The following CADM1 variants were observed in gnomAD, a reference collection of about 807,000 sequenced individuals.
CADM1 encodes cell adhesion molecule 1.
In CADM1, 15 loss-of-function variants were observed where a neutral mutation model predicts 53.1. That is an observed-to-expected ratio of 0.28 (90% CI 0.19 to 0.44). The LOEUF (loss-of-function observed/expected upper bound fraction) is 0.44. Ranked by LOEUF, CADM1 falls within the 20% of genes least tolerant of loss-of-function variation. The pLI, the probability that CADM1 is intolerant of heterozygous loss-of-function variation, is 1.00. For missense variants in CADM1, 434 were observed against 611.3 expected (o/e 0.71, Z 3.06); for synonymous variants, 281 against 243.0 (o/e 1.16, Z -1.45).
intron 10 of CADM1, among the ~76,000 whole-genome samples, chr11:115,181,070 T>A (rs1027842641): frequency 8.0e-5 from 12 of 149,592 alleles, no homozygotes; most frequent in African/African-American, 2.7e-4. Context: ...CCAGGACAGT[T>A]CTAACCCATC....
At chr11:115,427,485 C>T (rs1480796244) in intron 1 of CADM1, among the ~76,000 whole-genome samples, 1 of 151,904 alleles carries the variant, frequency 6.6e-6, no homozygotes, top group Admixed American at 6.6e-5. Flanking sequence ...TACGTTTATG[C>T]CTCTATCTAG....
intron 1 of CADM1, among the ~76,000 whole-genome samples, chr11:115,347,222 G>A (rs530413608): frequency 2.0e-5 from 3 of 150,874 alleles, no homozygotes; most frequent in South Asian, 2.1e-4. Context: ...AAGACAATCC[G>A]TTTACTCATC....
intron 8 of CADM1, among the ~76,000 whole-genome samples, chr11:115,206,703 TG>T: frequency 6.7e-6 from 1 of 149,286 alleles, no homozygotes; most frequent in East Asian, 2.0e-4. Flanking sequence ...ACCTAGGGAA[TG>T]GGTTTCAGTT....
At chr11:115,379,280 A>C (rs543761322) in intron 1 of CADM1, among the ~76,000 whole-genome samples, 1 of 152,362 alleles carries the variant, frequency 6.6e-6, no homozygotes, top group Admixed American at 6.5e-5. Context: ...ATAAAACTAA[A>C]GATATGTAAT....
At chr11:115,357,567 G>A (rs983442376) in intron 1 of CADM1, among the ~76,000 whole-genome samples, 1 of 152,110 alleles carries the variant, frequency 6.6e-6, no homozygotes, top group Non-Finnish European at 1.5e-5. Flanking sequence ...TTAGCTAGTG[G>A]TCTAGGGCAT....
chr11:115,432,241 G>A (rs574745033), intron 1 of CADM1, among the ~76,000 whole-genome samples: 58 of 152,074 alleles, frequency 3.8e-4, no homozygotes, highest in African/African-American at 1.2e-3. Flanking sequence ...CACCACACCC[G>A]GCCCTAAATA....
At chr11:115,319,788 C>CA (rs11454069) in intron 1 of CADM1, among the ~76,000 whole-genome samples, 152,248 of 152,256 alleles carry the variant, frequency 1, 76,120 homozygotes, top group Middle Eastern at 1. Context: ...AAAAATAATG[C>CA]AAAAATGCAT....
intron 6 of CADM1, among the ~76,000 whole-genome samples, chr11:115,217,599 G>T (rs1393881849): frequency 2.6e-5 from 4 of 152,240 alleles, no homozygotes; most frequent in African/African-American, 7.2e-5. Flanking sequence ...AATTTATTAG[G>T]ATTATTTTTT....
At chr11:115,410,886 G>C (rs1947444280) in intron 1 of CADM1, among the ~76,000 whole-genome samples, 1 of 151,986 alleles carries the variant, frequency 6.6e-6, no homozygotes, top group Non-Finnish European at 1.5e-5. Context: ...ATTTGATATA[G>C]CCACAGTAAA....
intron 3 of CADM1, among the ~76,000 whole-genome samples, chr11:115,235,636 G>A (rs562387554): frequency 6.6e-6 from 1 of 152,272 alleles, no homozygotes; most frequent in East Asian, 1.9e-4. Context: ...ACAAAAATCA[G>A]CAATATCAAG....
intron 1 of CADM1, among the ~76,000 whole-genome samples, chr11:115,401,455 C>G (rs902212813): frequency 3.3e-5 from 5 of 151,964 alleles, no homozygotes; most frequent in Admixed American, 2.6e-4. Flanking sequence ...AAAAACACAA[C>G]AATTTAGCCA....
chr11:115,267,451 A>G (rs1943173723), intron 1 of CADM1, among the ~76,000 whole-genome samples: 1 of 152,184 alleles, frequency 6.6e-6, no homozygotes, highest in Non-Finnish European at 1.5e-5. Context: ...ATTTACTTAC[A>G]TATTCAGTTC....
chr11:115,204,494 G>C (rs977303765), intron 8 of CADM1, among the ~76,000 whole-genome samples: 7 of 152,174 alleles, frequency 4.6e-5, no homozygotes, highest in Non-Finnish European at 7.3e-5. Context: ...CTCAATATTT[G>C]TTGAGTGCAT....
chr11:115,391,824 C>G (rs534469595), intron 1 of CADM1, among the ~76,000 whole-genome samples: 3 of 152,292 alleles, frequency 2.0e-5, no homozygotes, highest in Non-Finnish European at 4.4e-5. Context: ...AGGCAGAGTT[C>G]CCGCCCATGC....
intron 7 of CADM1, among the ~76,000 whole-genome samples, chr11:115,211,083 G>GT (rs1399670575): frequency 6.6e-6 from 1 of 152,130 alleles, no homozygotes. Flanking sequence ...AAATGGTTAA[G>GT]TTAGTGATTT....
chr11:115,425,725 C>T (rs1947873290), intron 1 of CADM1, among the ~76,000 whole-genome samples: 1 of 152,186 alleles, frequency 6.6e-6, no homozygotes, highest in South Asian at 2.1e-4. Context: ...TCTTCCAAAC[C>T]CACTGCATTA....
At chr11:115,262,368 G>A (rs530755523) in intron 1 of CADM1, among the ~76,000 whole-genome samples, 1 of 152,182 alleles carries the variant, frequency 6.6e-6, no homozygotes, top group South Asian at 2.1e-4. Context: ...AAGTATGTTC[G>A]TCCCATAGAA....
chr11:115,475,634 T>A (rs577247493), intron 1 of CADM1, among the ~76,000 whole-genome samples: 1 of 152,218 alleles, frequency 6.6e-6, no homozygotes. Flanking sequence ...GTAACACTGA[T>A]GAATTTCAGA....
chr11:115,503,581 C>T (rs1294890098), intron 1 of CADM1, among the ~76,000 whole-genome samples: 2 of 152,092 alleles, frequency 1.3e-5, no homozygotes, highest in Non-Finnish European at 2.9e-5. Flanking sequence ...CGGGGCCGGG[C>T]CGGGGAACTT....
Sources: gnomAD v4.1 joint callset for allele counts (sites outside exome capture counted in the v4.1 genomes callset) on GRCh38, gnomAD v4.1.1 for gene constraint, MANE v1.5 for transcripts, NCBI Gene and HGNC (gene_info 2026-07-23, HGNC 2026-07-21) for gene names.